The following RFX7 variants were observed in gnomAD, a reference collection of about 807,000 sequenced individuals.
The protein encoded by RFX7 is DNA-binding protein RFX7.
In RFX7, 26 loss-of-function variants were observed where a neutral mutation model predicts 111.8. That is an observed-to-expected ratio of 0.23 (90% CI 0.17 to 0.32). The LOEUF (loss-of-function observed/expected upper bound fraction) is 0.32. Among genes scored for constraint, RFX7 ranks in the 10% least tolerant of loss-of-function variants. The pLI is 1.00. For missense variants in RFX7, 1,573 were observed against 1,772.9 expected (o/e 0.89, Z 2.02); for synonymous variants, 624 against 624.4 (o/e 1.00, Z 0.01).
chr15:56,155,910 T>C (rs2042646522), intron 3 of RFX7, among the ~76,000 whole-genome samples: 1 of 152,032 alleles, frequency 6.6e-6, no homozygotes, highest in South Asian at 2.1e-4. Context: ...GAATGGGGTA[T>C]GGGCAAAAAA....
intron 5 of RFX7, among the ~76,000 whole-genome samples, chr15:56,139,150 T>A (rs2042350325): frequency 6.6e-6 from 1 of 151,970 alleles, no homozygotes; most frequent in South Asian, 2.1e-4. Context: ...TTCCTGAATC[T>A]GAATGTTGGC....
Position 56,101,426 on chromosome 15 carries a change from A to G in RFX7, c.744T>C (p.Leu248=). 2 of 1,612,728 alleles carry G rather than the reference A, an allele frequency of 1.2e-6. No individual in the cohort carries two copies. Among genetic ancestry groups the G allele is most frequent in the South Asian group, 2.2e-5 (2 of 90,770 alleles). Residue 248 remains leucine, a synonymous_variant, in exon 8 of 10, where the codon CTT becomes CTC. Coordinates refer to ENST00000559447, the MANE Select transcript of RFX7 (RefSeq NM_022841.7). ...FDTVLELARF[L]VKSHYIGTKS... The stretch of plus-strand genomic sequence containing the variant: ...TGGTGCCTATATAGTGACTTTTTAC[A>G]AGGAAGCGGGCTAATTCCAAGACGG...
chr15:56,127,550 A>ATTTTT (rs71441430), intron 5 of RFX7, among the ~76,000 whole-genome samples: 1 of 141,344 alleles, frequency 7.1e-6, no homozygotes, highest in Non-Finnish European at 1.5e-5. Context: ...TTTTGAAAAG[A>ATTTTT]TTTTTTTTTT....
chr15:56,162,481 G>A lies in RFX7; in HGVS notation c.195+16789C>T, dbSNP rs74017476. Among the ~76,000 whole-genome samples, 700 of 152,088 alleles carry A rather than the reference G, an allele frequency of 4.6e-3. 12 individuals are homozygous for A. Among genetic ancestry groups the A allele is most frequent in the African/African-American group, 0.016 (683 of 41,540 alleles). On this transcript the variant is annotated intron_variant, in intron 3 of 9. Coordinates refer to ENST00000559447, the MANE Select transcript of RFX7 (RefSeq NM_022841.7). ...GAAAATTGCATTTCTTTCTGGTAAT[G>A]ATGAGAAATTCCCATCATATTTTTG... is the stretch of plus-strand genomic sequence containing the variant.
At chr15:56,129,147 G>A (rs2042181140) in intron 5 of RFX7, among the ~76,000 whole-genome samples, 1 of 152,102 alleles carries the variant, frequency 6.6e-6, no homozygotes, top group South Asian at 2.1e-4. Flanking sequence ...AGGCCGAAGT[G>A]GGTGTATCAC....
At chr15:56,098,998 T>C (rs1444420032) in intron 8 of RFX7, among the ~76,000 whole-genome samples, 1 of 152,164 alleles carries the variant, frequency 6.6e-6, no homozygotes, top group African/African-American at 2.4e-5. Context: ...AAGACTAAAG[T>C]TAAGATATTC....
chr15:56,214,866 G>A (rs113844567), intron 2 of RFX7, among the ~76,000 whole-genome samples: 81 of 151,820 alleles, frequency 5.3e-4, no homozygotes, highest in Non-Finnish European at 1.0e-3. Context: ...CATTATCTTC[G>A]TAATTCTGTG....
intron 5 of RFX7, among the ~76,000 whole-genome samples, chr15:56,104,913 A>G (rs1380100202): frequency 6.6e-6 from 1 of 152,208 alleles, no homozygotes; most frequent in Non-Finnish European, 1.5e-5. Context: ...TAGCAGCTTC[A>G]TATTTAAATT....
At chr15:56,166,619 G>C (rs772076763) in intron 3 of RFX7, among the ~76,000 whole-genome samples, 19 of 152,132 alleles carry the variant, frequency 1.2e-4, no homozygotes, top group Non-Finnish European at 2.8e-4. Context: ...AGTTGTATGA[G>C]GAAAAGGGTG....
At chr15:56,139,503 AG>A in intron 5 of RFX7, among the ~76,000 whole-genome samples, 1 of 152,168 alleles carries the variant, frequency 6.6e-6, no homozygotes, top group East Asian at 1.9e-4. Context: ...TGGTTATTCT[AG>A]TTATACATTC....
intron 2 of RFX7, among the ~76,000 whole-genome samples, chr15:56,212,606 G>A (rs749960618): frequency 6.6e-6 from 1 of 152,144 alleles, no homozygotes; most frequent in Non-Finnish European, 1.5e-5. Context: ...TGAGGGCAGA[G>A]AATGTATGGG....
chr15:56,127,995 T>C (rs995286352), intron 5 of RFX7, among the ~76,000 whole-genome samples: 1 of 150,570 alleles, frequency 6.6e-6, no homozygotes, highest in African/African-American at 2.4e-5. Context: ...GGGAATACTA[T>C]GAAAAACTGT....
intron 2 of RFX7, among the ~76,000 whole-genome samples, chr15:56,229,447 A>G (rs2043524113): frequency 6.6e-6 from 1 of 152,054 alleles, no homozygotes; most frequent in East Asian, 1.9e-4. Flanking sequence ...TTGTATTTTT[A>G]GTAGAGACGG....
chr15:56,095,026 T>C lies in RFX7; in HGVS notation c.2702A>G (p.Asn901Ser). The C allele has an allele frequency of 6.2e-7, 1 of 1,613,886 alleles. No homozygotes were observed. The highest frequency in any genetic ancestry group is 8.5e-7 in the Non-Finnish European group (1 of 1,179,842). ...LVLMEQQMSM[N>S]NSHSYGNCLG... Reference sequence around the variant, plus strand: ...ACAGTTGCCGTAAGAATGAGAATTGTTCATTGACATTTGCTGCTCCATAAG... The same window carrying C: ...ACAGTTGCCGTAAGAATGAGAATTGCTCATTGACATTTGCTGCTCCATAAG... Residue 901 changes from asparagine to serine, a missense_variant, in exon 10 of 10, where the codon AAC becomes AGC. Physicochemically the swap from Asn to Ser is conservative, Grantham distance 46. This residue lies in a region of RFX7 where 625 missense variants were observed against 632.2 expected (regional missense o/e 0.99). Coordinates refer to ENST00000559447, the MANE Select transcript of RFX7 (RefSeq NM_022841.7).
chr15:56,087,561 G>GT lies in RFX7; in HGVS notation c.*5783dup, dbSNP rs1228283056. ...TTGGTTACATCTCTTTGAGTACTTG[G>GT]TAAGTGTCTCCACTTAACTGCAAGG... On this transcript the variant is annotated 3_prime_UTR_variant, in exon 10 of 10. Coordinates refer to ENST00000559447, the MANE Select transcript of RFX7 (RefSeq NM_022841.7). The GT allele has an allele frequency of 4.4e-6, 2 of 456,672 alleles. No homozygotes were observed. The highest frequency in any genetic ancestry group is 4.7e-5 in the Admixed American group (2 of 42,580). 28.3% of individuals were successfully genotyped at this position (456,672 alleles called of 1,614,324 possible). A position where few individuals can be genotyped will look rare whatever the true frequency, so the allele number is the denominator to read the frequency against.
rs1164385779 is a variant in RFX7 at position 56,150,471 on chromosome 15, G to C, written c.196-5988C>G. Reference sequence around the variant, plus strand: ...CAGCTTCCAGAGGAAACAACAGGCAGCAATCATTGCTGCTCTGCAGCCTCC... The same window carrying C: ...CAGCTTCCAGAGGAAACAACAGGCACCAATCATTGCTGCTCTGCAGCCTCC... On this transcript the variant is annotated intron_variant, in intron 3 of 9. Transcript: ENST00000559447. Among the ~76,000 whole-genome samples, 7 of 152,306 alleles carry C rather than the reference G, an allele frequency of 4.6e-5. No homozygotes were observed. The South Asian group carries it at 1.5e-3, about 32-fold the overall frequency.
chr15:56,093,052 CAAAAT>C lies in RFX7; in HGVS notation c.*288_*292del, dbSNP rs1437045296. The C allele has an allele frequency of 3.4e-6, 1 of 293,218 alleles. No individual in the cohort carries two copies. Among genetic ancestry groups the C allele is most frequent in the Non-Finnish European group, 6.4e-6 (1 of 157,378 alleles). 18.2% of individuals were successfully genotyped at this position (293,218 alleles called of 1,614,324 possible). A position where few individuals can be genotyped will look rare whatever the true frequency, so the allele number is the denominator to read the frequency against. On this transcript the variant is annotated 3_prime_UTR_variant, in exon 10 of 10. Coordinates refer to ENST00000559447, the MANE Select transcript of RFX7 (RefSeq NM_022841.7). Reference sequence around the variant, plus strand: ...TCTGATGAAATGAAACTAACTTACACAAAATAAAGATCGACTGCTCTTGTAACAGC... The same window carrying C: ...TCTGATGAAATGAAACTAACTTACACAAAGATCGACTGCTCTTGTAACAGC...
intron 8 of RFX7, among the ~76,000 whole-genome samples, chr15:56,100,933 T>C (rs2041743698): frequency 6.6e-6 from 1 of 152,206 alleles, no homozygotes; most frequent in Non-Finnish European, 1.5e-5. Flanking sequence ...AAGATAATTT[T>C]ATTTATAAGC....
At chr15:56,184,407 C>G (rs1461178286) in intron 2 of RFX7, among the ~76,000 whole-genome samples, 2 of 151,854 alleles carry the variant, frequency 1.3e-5, no homozygotes. Context: ...TTCTTCCTTT[C>G]CAATCTTTAT....
Sources: allele counts gnomAD v4.1 joint callset (sites outside exome capture counted in the v4.1 genomes callset), GRCh38; gene constraint gnomAD v4.1.1; regional missense constraint gnomAD v4.1.1; transcripts MANE v1.5; gene names NCBI Gene and HGNC (gene_info 2026-07-23, HGNC 2026-07-21).